The following MAMLD1 variants were observed in gnomAD, a reference collection of about 807,000 sequenced individuals.
MAMLD1 encodes the protein mastermind-like domain-containing protein 1.
In MAMLD1, 14 loss-of-function variants were observed where a neutral mutation model predicts 45.0. That is an observed-to-expected ratio of 0.31 (90% confidence interval 0.21 to 0.49). The LOEUF (loss-of-function observed/expected upper bound fraction) is 0.49. Among genes scored for constraint, MAMLD1 ranks in the 20% least tolerant of loss-of-function variants. The pLI is 0.99. For synonymous variants in MAMLD1, 254 were observed against 247.8 expected (o/e 1.02, Z -0.24); for missense variants, 543 against 603.6 (o/e 0.90, Z 1.05).
intron 5 of MAMLD1, among the ~76,000 whole-genome samples, chrX:150,502,081 C>T (rs1205737280): frequency 5.3e-5 from 6 of 112,832 alleles, no homozygotes; most frequent in African/African-American, 1.9e-4. Context: ...GGGTTAGTGC[C>T]TAAAGCACAG....
At chrX:150,415,008 C>T (rs2034214612) in intron 1 of MAMLD1, among the ~76,000 whole-genome samples, 1 of 111,772 alleles carries the variant, frequency 8.9e-6, no homozygotes, top group African/African-American at 3.3e-5. Context: ...AGTGAATGAT[C>T]TCCCTGGGCT....
intron 1 of MAMLD1, among the ~76,000 whole-genome samples, chrX:150,398,650 C>T (rs1354752877): frequency 6.3e-5 from 7 of 111,288 alleles, no homozygotes; most frequent in African/African-American, 2.3e-4. Flanking sequence ...GCTATCAGAC[C>T]AATAACTCAA....
At chrX:150,510,630 G>A (rs2037869442) in intron 7 of MAMLD1, among the ~76,000 whole-genome samples, 1 of 112,471 alleles carries the variant, frequency 8.9e-6, no homozygotes, top group Non-Finnish European at 1.9e-5. Flanking sequence ...GCCTGATGTA[G>A]TTCCCACTCC....
chrX:150,512,323 C>T lies in MAMLD1; in HGVS notation c.*364C>T. ...CACCAGAAGTGCCCCTGCCTGGGTTCTGTCCCAGCTCCCTGGGCACCCAGT... is the reference window on the plus strand; with the variant it reads ...CACCAGAAGTGCCCCTGCCTGGGTTTTGTCCCAGCTCCCTGGGCACCCAGT... On this transcript the variant is annotated 3_prime_UTR_variant, in exon 8 of 8. Coordinates refer to ENST00000370401, the MANE Select transcript of MAMLD1 (RefSeq NM_005491.5). 3.5e-6 allele frequency: 4 copies of T among 1,132,121 alleles called. No homozygotes were observed. Among genetic ancestry groups the T allele is most frequent in the South Asian group, 2.1e-5 (1 of 48,632 alleles). The allele number at this position is 1,132,121 out of a possible 1,213,427, so 93.3% of individuals were successfully genotyped here. A position where few individuals can be genotyped will look rare whatever the true frequency, so the allele number is the denominator to read the frequency against.
chrX:150,447,922 A>C (rs1183433227), intron 2 of MAMLD1, among the ~76,000 whole-genome samples: 3 of 112,320 alleles, frequency 2.7e-5, no homozygotes, highest in Non-Finnish European at 5.6e-5. Flanking sequence ...TGCTTCAGGC[A>C]TTCAGCTTAA....
Position 150,397,471 on chromosome X carries a change from T to A in MAMLD1, c.-64+33941T>A, listed in dbSNP as rs1446082137. 8.1e-5 allele frequency among the ~76,000 whole-genome samples: 9 copies of A among 111,661 alleles called. No individual in the cohort carries two copies. The Admixed American group carries it at 8.6e-4, about 11-fold the overall frequency. On this transcript the variant is annotated intron_variant, in intron 1 of 7. Coordinates refer to ENST00000370401, the MANE Select transcript of MAMLD1 (RefSeq NM_005491.5). ...TGTCACGTTTATTTCTAAGGATGAT[T>A]TTTTTTGTAGATAAGGTTTTATTTC...
Position 150,512,770 on chromosome X carries a change from T to TGCTTCTGCCGTTGCTGCC in MAMLD1, c.*812_*829dup, listed in dbSNP as rs781902043. 1.1e-4 allele frequency: 125 copies of TGCTTCTGCCGTTGCTGCC among 1,153,926 alleles called. No individual in the cohort carries two copies. The African/African-American group carries it at 2.0e-3, about 19-fold the overall frequency. On this transcript the variant is annotated 3_prime_UTR_variant, in exon 8 of 8. Transcript: ENST00000370401. ...TGGCTGCTGCTGCCACCGCTGCTGC[T>TGCTTCTGCCGTTGCTGCC]GCTTCTGCCGTTGCTGCCAGCCAGT...
chrX:150,462,882 C>A (rs1557405694), intron 3 of MAMLD1, 36 bp downstream of exon 3: 10 of 1,097,138 alleles, frequency 9.1e-6, no homozygotes, highest in Non-Finnish European at 1.3e-5. Flanking sequence ...GACCCATTCA[C>A]TTTACAGTGG....
chrX:150,508,772 C>T (rs1412595671), intron 6 of MAMLD1, among the ~76,000 whole-genome samples: 4 of 112,254 alleles, frequency 3.6e-5, no homozygotes, highest in African/African-American at 6.5e-5. Context: ...CCTCTGGCAT[C>T]TTCGGGGGGA....
chrX:150,398,262 A>G (rs1485353959), intron 1 of MAMLD1, among the ~76,000 whole-genome samples: 2 of 28,960 alleles, frequency 6.9e-5, no homozygotes, highest in Non-Finnish European at 6.2e-5. Context: ...GAGAAGAAGA[A>G]GAAGAAGAAG....
At chrX:150,411,660 A>G in intron 1 of MAMLD1, among the ~76,000 whole-genome samples, 1 of 111,465 alleles carries the variant, frequency 9.0e-6, no homozygotes, top group African/African-American at 3.3e-5. Context: ...GCTGTCTGTC[A>G]TGTCTAGGAT....
intron 6 of MAMLD1, 176 bp from the exon 7 acceptor site, chrX:150,509,786 T>C: frequency 2.1e-6 from 1 of 468,506 alleles, no homozygotes; most frequent in South Asian, 3.1e-5. Context: ...CTTACTTTAT[T>C]TATACCTGTG....
At chrX:150,374,439 T>A (rs1603211743) in intron 1 of MAMLD1, among the ~76,000 whole-genome samples, 2 of 112,537 alleles carry the variant, frequency 1.8e-5, no homozygotes, top group South Asian at 7.4e-4. Flanking sequence ...GAGATGGTCC[T>A]GTAAATATCA....
At chrX:150,499,942 CA>C (rs1243327367) in intron 5 of MAMLD1, among the ~76,000 whole-genome samples, 1 of 110,808 alleles carries the variant, frequency 9.0e-6, no homozygotes, top group African/African-American at 3.3e-5. Flanking sequence ...GTGTTTATCC[CA>C]AAAAAAAGAC....
intron 1 of MAMLD1, among the ~76,000 whole-genome samples, chrX:150,418,297 T>C (rs2034338928): frequency 9.0e-6 from 1 of 111,497 alleles, no homozygotes; most frequent in Non-Finnish European, 1.9e-5. Flanking sequence ...CCTTTTATCA[T>C]TTTTTATTGC....
At chrX:150,424,095 C>A (rs1311840118) in intron 1 of MAMLD1, among the ~76,000 whole-genome samples, 2 of 112,280 alleles carry the variant, frequency 1.8e-5, no homozygotes, top group Non-Finnish European at 3.8e-5. Flanking sequence ...CTGTTCTCTG[C>A]CATAATGGGA....
At chrX:150,392,597 G>C (rs183179309) in intron 1 of MAMLD1, among the ~76,000 whole-genome samples, 2 of 109,671 alleles carry the variant, frequency 1.8e-5, no homozygotes, top group African/African-American at 6.7e-5. Flanking sequence ...ATTGGGGATG[G>C]GGTGGAGTGG....
chrX:150,491,815 G>C (rs2037196643), intron 5 of MAMLD1, among the ~76,000 whole-genome samples: 1 of 112,077 alleles, frequency 8.9e-6, no homozygotes, highest in South Asian at 3.7e-4. Context: ...GGTGGAGAGA[G>C]ACACAACTGG....
intron 1 of MAMLD1, among the ~76,000 whole-genome samples, chrX:150,434,718 AT>A (rs1351333375): frequency 3.6e-5 from 4 of 111,948 alleles, no homozygotes; most frequent in Non-Finnish European, 7.5e-5. Flanking sequence ...TAATCATATG[AT>A]TTTGAGAAAT....
Sources: allele counts gnomAD v4.1 joint callset (sites outside exome capture counted in the v4.1 genomes callset), GRCh38; gene constraint gnomAD v4.1.1; transcripts MANE v1.5; gene names NCBI Gene and HGNC (gene_info 2026-07-23, HGNC 2026-07-21).